DYRK1A: variants seen among roughly 807,000 people sequenced by gnomAD.
DYRK1A encodes dual specificity tyrosine phosphorylation regulated kinase 1A.
In DYRK1A, 9 loss-of-function variants were observed where a neutral mutation model predicts 79.7. That is an observed-to-expected ratio of 0.11 (90% CI 0.07 to 0.20). The LOEUF (loss-of-function observed/expected upper bound fraction) is 0.20. Among genes scored for constraint, DYRK1A ranks in the 10% least tolerant of loss-of-function variants. The pLI is 1.00. For synonymous variants in DYRK1A, 349 were observed against 329.7 expected, an observed-to-expected ratio of 1.06 and a Z score of -0.63; for missense variants, 622 against 956.0, an observed-to-expected ratio of 0.65 and a Z score of 4.61.
intron 8 of DYRK1A, among the ~76,000 whole-genome samples, chr21:37,494,764 A>G (rs1167721906): frequency 1.3e-5 from 2 of 151,914 alleles, no homozygotes; most frequent in Non-Finnish European, 2.9e-5. Flanking sequence ...CCCTGCCAAT[A>G]TGGTGAAACC....
At chr21:37,454,156 G>A (rs1260204849) in intron 2 of DYRK1A, among the ~76,000 whole-genome samples, 1 of 129,116 alleles carries the variant, frequency 7.7e-6, no homozygotes, top group African/African-American at 3.0e-5. Context: ...GCAGTAGTGT[G>A]ATCACAGCTC....
In DYRK1A at chr21:37,519,743, T is replaced by TGTTTTGTTTTGTTTTGTTTTG. The variant is rs1555999062; in HGVS notation, c.*7212_*7213insGTTTTGTTTTGTTTTGTTTTG. The TGTTTTGTTTTGTTTTGTTTTG allele has an allele frequency of 5.5e-5, 4 of 73,344 alleles. No individual in the cohort carries two copies. The highest frequency in any genetic ancestry group is 1.1e-4 in the Non-Finnish European group (4 of 36,094). The allele number at this position is 73,344 out of a possible 1,614,324, so 4.5% of individuals were successfully genotyped here. Reference sequence around the variant, plus strand: ...TGAGGTTTGTTGTGGGAAGTTTTTTTTTTTTTTTTTTTTTTTGAGGCGGAG... The same window carrying TGTTTTGTTTTGTTTTGTTTTG: ...TGAGGTTTGTTGTGGGAAGTTTTTTTGTTTTGTTTTGTTTTGTTTTGTTTTTTTTTTTTTTTTGAGGCGGAG... On this transcript the variant is annotated 3_prime_UTR_variant, in exon 12 of 12. Transcript: ENST00000647188.
At chr21:37,499,707 A>G (rs2053382733) in intron 9 of DYRK1A, among the ~76,000 whole-genome samples, 1 of 152,186 alleles carries the variant, frequency 6.6e-6, no homozygotes, top group Non-Finnish European at 1.5e-5. Flanking sequence ...GTATAATTTC[A>G]TAATTTTTCA....
At chr21:37,459,086 A>G (rs973862504) in intron 2 of DYRK1A, among the ~76,000 whole-genome samples, 4 of 152,212 alleles carry the variant, frequency 2.6e-5, no homozygotes, top group Admixed American at 6.5e-5. Flanking sequence ...GACAACTACT[A>G]TAATAGTATG....
At chr21:37,424,130 T>A (rs1251742788) in intron 2 of DYRK1A, among the ~76,000 whole-genome samples, 1 of 152,146 alleles carries the variant, frequency 6.6e-6, no homozygotes, top group Non-Finnish European at 1.5e-5. Context: ...TTTAGGAAGC[T>A]GTCACCAGTT....
At chr21:37,468,398 C>T (rs1260081022) in intron 2 of DYRK1A, among the ~76,000 whole-genome samples, 1 of 152,110 alleles carries the variant, frequency 6.6e-6, no homozygotes, top group Non-Finnish European at 1.5e-5. Context: ...TGAGCCCCTG[C>T]GCCTGGCCTG....
At chr21:37,426,297 G>T (rs1347862715) in intron 2 of DYRK1A, among the ~76,000 whole-genome samples, 1 of 152,130 alleles carries the variant, frequency 6.6e-6, no homozygotes, top group Non-Finnish European at 1.5e-5. Flanking sequence ...ACATAAAAAC[G>T]AGCAGTGGAC....
rs2053926467 is a variant in DYRK1A at position 37,520,406 on chromosome 21, T to A, written c.*7875T>A. Reference sequence around the variant, plus strand: ...CCACATTTTGAAAGCAGTAAGGAAATAATTGCTGCTTTTTTCTTCTTCTTT... The same window carrying A: ...CCACATTTTGAAAGCAGTAAGGAAAAAATTGCTGCTTTTTTCTTCTTCTTT... On this transcript the variant is annotated 3_prime_UTR_variant, in exon 12 of 12. Transcript: ENST00000647188. 1.3e-5 allele frequency: 2 copies of A among 152,192 alleles called. No individual in the cohort carries two copies. The highest frequency in any genetic ancestry group is 4.1e-4 in the South Asian group (2 of 4,822). The allele number at this position is 152,192 out of a possible 1,614,324, so 9.4% of individuals were successfully genotyped here. A position where few individuals can be genotyped will look rare whatever the true frequency, so the allele number is the denominator to read the frequency against.
intron 1 of DYRK1A, among the ~76,000 whole-genome samples, chr21:37,382,946 T>G (rs1473557269): frequency 3.3e-5 from 5 of 152,208 alleles, no homozygotes; most frequent in Admixed American, 3.3e-4. Flanking sequence ...GGTTCATTAG[T>G]TTTTTTGGAT....
upstream of DYRK1A, among the ~76,000 whole-genome samples, chr21:37,366,449 G>A (rs1485162789): frequency 6.8e-6 from 1 of 148,040 alleles, no homozygotes; most frequent in Admixed American, 6.7e-5. Context: ...GGGCGATCGC[G>A]CACAGGCCTG....
chr21:37,492,508 G>A (rs1343122919), intron 7 of DYRK1A, among the ~76,000 whole-genome samples: 1 of 152,162 alleles, frequency 6.6e-6, no homozygotes, highest in Non-Finnish European at 1.5e-5. Context: ...TTATGTGGCA[G>A]TGTTTCTGGG....
In DYRK1A at chr21:37,367,006, TG is replaced by T; in HGVS notation, c.-698del. On this transcript the variant is annotated 5_prime_UTR_variant, in exon 1 of 12. Transcript: ENST00000647188. Reference sequence around the variant, plus strand: ...CGGGCGCCGCCGCCGCCGCTTCTGCTGCTGCTGTTCCTGCTGCTGCTGTTGG... The same window carrying T: ...CGGGCGCCGCCGCCGCCGCTTCTGCTCTGCTGTTCCTGCTGCTGCTGTTGG... The T allele has an allele frequency of 6.1e-6, 1 of 164,850 alleles. No individual in the cohort carries two copies. The highest frequency in any genetic ancestry group is 1.3e-5 in the Non-Finnish European group (1 of 76,456). 10.2% of individuals were successfully genotyped at this position (164,850 alleles called of 1,614,324 possible). A position where few individuals can be genotyped will look rare whatever the true frequency, so the allele number is the denominator to read the frequency against.
At chr21:37,409,442 A>G (rs148997742) in intron 1 of DYRK1A, among the ~76,000 whole-genome samples, 2 of 152,244 alleles carry the variant, frequency 1.3e-5, no homozygotes, top group African/African-American at 2.4e-5. Flanking sequence ...TTGGATGGTG[A>G]TAGTTAGCAG....
At chr21:37,366,383 TC>T (rs2049304484), upstream of DYRK1A, among the ~76,000 whole-genome samples, 1 of 142,510 alleles carries the variant, frequency 7.0e-6, no homozygotes, top group Non-Finnish European at 1.5e-5. Context: ...CCGCGCGCGC[TC>T]CCCGGGCCGC....
At chr21:37,371,069 TTTAA>T (rs764569900) in intron 1 of DYRK1A, among the ~76,000 whole-genome samples, 1 of 152,214 alleles carries the variant, frequency 6.6e-6, no homozygotes, top group Non-Finnish European at 1.5e-5. Flanking sequence ...AAAATTTGTG[TTTAA>T]TTACTTGGAA....
intron 4 of DYRK1A, among the ~76,000 whole-genome samples, chr21:37,479,065 T>A (rs1001721835): frequency 6.6e-6 from 1 of 152,222 alleles, no homozygotes. Flanking sequence ...GTGGGAGCCC[T>A]GCACCCTTTC....
In DYRK1A at chr21:37,520,241, A is replaced by G. The variant is rs2053925217; in HGVS notation, c.*7710A>G. On this transcript the variant is annotated 3_prime_UTR_variant, in exon 12 of 12. Transcript: ENST00000647188. Reference sequence around the variant, plus strand: ...AGTCCCCACCCTTTGCTCCCACTCCAAGGAAAGTCTGTTACATTTTTAGCC... The same window carrying G: ...AGTCCCCACCCTTTGCTCCCACTCCGAGGAAAGTCTGTTACATTTTTAGCC... The G allele has an allele frequency of 6.6e-6, 1 of 152,196 alleles. No homozygotes were observed. The highest frequency in any genetic ancestry group is 1.5e-5 in the Non-Finnish European group (1 of 68,048). 9.4% of individuals were successfully genotyped at this position (152,196 alleles called of 1,614,324 possible).
chr21:37,478,187 C>G, intron 3 of DYRK1A, 21 bp from the exon 4 acceptor site: 1 of 1,613,736 alleles, frequency 6.2e-7, no homozygotes, highest in East Asian at 2.2e-5. Flanking sequence ...TAAGGTGATG[C>G]CTGATATTGT....
intron 1 of DYRK1A, among the ~76,000 whole-genome samples, chr21:37,381,530 G>C (rs2049658359): frequency 6.6e-6 from 1 of 152,164 alleles, no homozygotes; most frequent in Non-Finnish European, 1.5e-5. Context: ...GATCAGCCTG[G>C]ATCAGGATAT....
Sources: gnomAD v4.1 joint callset for allele counts (sites outside exome capture counted in the v4.1 genomes callset) on GRCh38, gnomAD v4.1.1 for gene constraint, MANE v1.5 for transcripts, NCBI Gene and HGNC (gene_info 2026-07-23, HGNC 2026-07-21) for gene names.